The following RAD50 variants were observed in gnomAD, a reference collection of about 807,000 sequenced individuals.
RAD50 encodes DNA repair protein RAD50.
A neutral mutation model predicts 168.8 loss-of-function variants in RAD50; 132 were observed. The ratio of observed to expected loss-of-function variants is 0.78; its 90% CI spans 0.68 to 0.90. The LOEUF is 0.90. Ranked by LOEUF, RAD50 falls within the 40% of genes least tolerant of loss-of-function variation. RAD50 has a pLI of 0.00. For missense variants in RAD50, 1,347 were observed against 1,534.4 expected (o/e 0.88, Z 2.04); for synonymous variants, 525 against 497.4 (o/e 1.06, Z -0.74).
At position 132,576,772 on chromosome 5, in the gene RAD50, G is replaced by A. The variant is rs964091776; in HGVS notation, c.365+844G>A. 1.6e-3 allele frequency among the ~76,000 whole-genome samples: 245 copies of A among 152,134 alleles called. 2 individuals carry two copies. Among genetic ancestry groups the A allele is most frequent in the Non-Finnish European group, 8.7e-4 (59 of 67,994 alleles). On this transcript the variant is annotated intron_variant, in intron 3 of 24. Transcript: ENST00000378823. ...CTTCACTCCAATTGCAGTCCCATTC[G>A]TCCTTTGAAACACCTCTGACTAAAG...
intron 21 of RAD50, among the ~76,000 whole-genome samples, chr5:132,619,819 T>TCTCTCTACTC (rs1561651568): frequency 1.7e-4 from 20 of 116,388 alleles, no homozygotes; most frequent in African/African-American, 9.3e-4. Flanking sequence ...TCTACTCCTC[T>TCTCTCTACTC]CTCTCTCTCT....
At chr5:132,639,726 G>A (rs912025260) in intron 23 of RAD50, among the ~76,000 whole-genome samples, 8 of 152,200 alleles carry the variant, frequency 5.3e-5, no homozygotes, top group African/African-American at 1.9e-4. Context: ...GGCTTTTGCT[G>A]AGGCTCTAGC....
chr5:132,599,321 A>AT (rs1301378202), intron 13 of RAD50, among the ~76,000 whole-genome samples: 1 of 152,128 alleles, frequency 6.6e-6, no homozygotes, highest in South Asian at 2.1e-4. Context: ...TGAGGAAACC[A>AT]TTTTTATAAA....
Position 132,609,405 on chromosome 5 carries a change from G to C in RAD50, c.3036+9G>C. The C allele has an allele frequency of 6.2e-7, 1 of 1,613,320 alleles. No homozygotes were observed. Among genetic ancestry groups the C allele is most frequent in the Non-Finnish European group, 8.5e-7 (1 of 1,179,620 alleles). ...ATATTGATACACAGAAGGTAGGTCTGTTTTGCTTATGATATCACTTACACC... is the reference window on the plus strand; with the variant it reads ...ATATTGATACACAGAAGGTAGGTCTCTTTTGCTTATGATATCACTTACACC... On this transcript the variant is annotated intron_variant, in intron 19 of 24. Coordinates refer to ENST00000378823, the MANE Select transcript of RAD50 (RefSeq NM_005732.4).
In RAD50 at chr5:132,643,631, C is replaced by T. The variant is rs1237327244; in HGVS notation, c.*1267C>T. The T allele has an allele frequency of 8.8e-6, 2 of 228,178 alleles. No homozygotes were observed. The highest frequency in any genetic ancestry group is 2.2e-5 in the African/African-American group (1 of 44,918). The allele number at this position is 228,178 out of a possible 1,614,324, so 14.1% of individuals were successfully genotyped here. On this transcript the variant is annotated 3_prime_UTR_variant, in exon 25 of 25. Coordinates refer to ENST00000378823, the MANE Select transcript of RAD50 (RefSeq NM_005732.4). ...GATAGACAGGTCCTGATTTCTAGAACCCGTGACTGTTACTTTATACAGCAA... is the reference window on the plus strand; with the variant it reads ...GATAGACAGGTCCTGATTTCTAGAATCCGTGACTGTTACTTTATACAGCAA...
chr5:132,598,215 T>C (rs10463894), intron 13 of RAD50, among the ~76,000 whole-genome samples: 30,285 of 151,458 alleles, frequency 0.2, 3,077 homozygotes, highest in South Asian at 0.23. Context: ...GCTCGGCTAA[T>C]TTTTTTTGTA....
chr5:132,642,124 C>G, intron 24 of RAD50, 54 bp from the exon 25 acceptor site: 1 of 1,569,750 alleles, frequency 6.4e-7, no homozygotes, highest in Non-Finnish European at 8.8e-7. Flanking sequence ...CTTTTCAAAT[C>G]AAAGAAGGGG....
chr5:132,592,667 G>C, intron 11 of RAD50: 1 of 295,590 alleles, frequency 3.4e-6, no homozygotes, highest in South Asian at 3.1e-5. Flanking sequence ...CCCAACAACT[G>C]TTGCCATGAC....
chr5:132,637,369 A>G (rs1037156182), intron 22 of RAD50, among the ~76,000 whole-genome samples, 169 bp downstream of exon 22: 5 of 152,176 alleles, frequency 3.3e-5, no homozygotes, highest in Non-Finnish European at 5.9e-5. Flanking sequence ...AAGAAAATGT[A>G]AAGTTTTCTG....
At chr5:132,629,829 A>T (rs1751432186) in intron 21 of RAD50, among the ~76,000 whole-genome samples, 1 of 152,092 alleles carries the variant, frequency 6.6e-6, no homozygotes, top group Non-Finnish European at 1.5e-5. Flanking sequence ...TCATCTAAAA[A>T]CATCACTAAG....
intron 22 of RAD50, among the ~76,000 whole-genome samples, chr5:132,637,721 A>T (rs1319149968): frequency 6.6e-6 from 1 of 152,048 alleles, no homozygotes; most frequent in Non-Finnish European, 1.5e-5. Flanking sequence ...CTTAGTAGAG[A>T]TGGGGTTTCA....
intron 19 of RAD50, among the ~76,000 whole-genome samples, chr5:132,613,408 G>T (rs1227837850): frequency 2.0e-5 from 3 of 151,956 alleles, no homozygotes; most frequent in Non-Finnish European, 4.4e-5. Context: ...AACATTTGTG[G>T]TATACTATAA....
At chr5:132,584,773 T>G (rs1226616631) in intron 5 of RAD50, among the ~76,000 whole-genome samples, 1 of 151,938 alleles carries the variant, frequency 6.6e-6, no homozygotes, top group Non-Finnish European at 1.5e-5. Flanking sequence ...CCATAAAAAA[T>G]GATGAGTTCA....
At chr5:132,633,601 G>A (rs943025488) in intron 21 of RAD50, among the ~76,000 whole-genome samples, 28 of 150,376 alleles carry the variant, frequency 1.9e-4, no homozygotes, top group African/African-American at 6.6e-4. Context: ...TTTCAGACAG[G>A]GTCTTACTCT....
chr5:132,595,121 G>A (rs1018233260), intron 12 of RAD50, 77 bp downstream of exon 12: 2 of 1,470,362 alleles, frequency 1.4e-6, no homozygotes, highest in Middle Eastern at 2.3e-4. Flanking sequence ...TTAAGGATGG[G>A]GAATTTAAAA....
At chr5:132,594,057 C>T (rs1750747999) in intron 11 of RAD50, among the ~76,000 whole-genome samples, 1 of 152,058 alleles carries the variant, frequency 6.6e-6, no homozygotes, top group African/African-American at 2.4e-5. Flanking sequence ...TCAAGGGAGT[C>T]TAGGATAATG....
At chr5:132,581,629 A>C (rs1750506344) in intron 5 of RAD50, among the ~76,000 whole-genome samples, 1 of 152,200 alleles carries the variant, frequency 6.6e-6, no homozygotes, top group African/African-American at 2.4e-5. Context: ...GTGCATATTT[A>C]CCTTTACAAG....
intron 11 of RAD50, chr5:132,592,705 T>G: frequency 2.5e-6 from 1 of 400,358 alleles, no homozygotes; most frequent in Non-Finnish European, 5.3e-6. Flanking sequence ...CTGCTTTTGC[T>G]TTGACTGGAC....
rs1554097831 is a variant in RAD50, at chr5:132,580,049, G to A, written c.739G>A (p.Glu247Lys). ...SKEIVKSYEN[E>K]LDPLKNRLKE... ...GGAAATTGTCAAATCCTATGAGAAT[G>A]AACTTGATCCATTGAAGGTAACTTG... The change falls in exon 5 of 25, where the codon GAA (glutamate) becomes AAA (lysine). Residue 247 changes from glutamate (E) to lysine (K), a missense_variant. Coordinates refer to ENST00000378823, the MANE Select transcript of RAD50 (RefSeq NM_005732.4). 1 of 1,610,876 alleles carries A rather than the reference G, an allele frequency of 6.2e-7. No homozygotes were observed. The highest frequency in any genetic ancestry group is 8.5e-7 in the Non-Finnish European group (1 of 1,177,318).
Sources: gnomAD v4.1 joint callset for allele counts (sites outside exome capture counted in the v4.1 genomes callset) on GRCh38, gnomAD v4.1.1 for gene constraint, MANE v1.5 for transcripts, NCBI Gene and HGNC (gene_info 2026-07-23, HGNC 2026-07-21) for gene names.